PRPF18: variants seen among roughly 807,000 people sequenced by gnomAD.
The protein encoded by PRPF18 is pre-mRNA-splicing factor 18.
In PRPF18, 38 loss-of-function variants were observed where a neutral mutation model predicts 46.5. The ratio of observed to expected loss-of-function variants is 0.82; its 90% CI spans 0.63 to 1.07. The LOEUF (loss-of-function observed/expected upper bound fraction) is 1.07, where lower values mean the gene tolerates loss of function less well. Among genes scored for constraint, PRPF18 ranks in the 50% least tolerant of loss-of-function variants. The pLI, the probability that PRPF18 is intolerant of heterozygous loss-of-function variation, is 0.00. For missense variants in PRPF18, 263 were observed against 410.0 expected, an observed-to-expected ratio of 0.64 and a Z score of 3.10; for synonymous variants, 152 against 146.7, an observed-to-expected ratio of 1.04 and a Z score of -0.26.
downstream of PRPF18, among the ~76,000 whole-genome samples, chr10:13,635,188 C>T (rs2080626423): frequency 6.6e-6 from 1 of 152,160 alleles, no homozygotes; most frequent in South Asian, 2.1e-4. Flanking sequence ...GGATAATGGC[C>T]TCCAGCTCCA....
At chr10:13,654,601 C>T in the PRPF18 span, 2 of 798,650 alleles carry the variant, frequency 2.5e-6, no homozygotes, top group African/African-American at 3.4e-5. Flanking sequence ...GACACCAACC[C>T]AGTGGCCAGA....
rs1047232780 is a variant in PRPF18, at chr10:13,592,199, G to A, written c.66+5047G>A. 7 of 623,090 alleles carry A rather than the reference G, an allele frequency of 1.1e-5. No individual in the cohort carries two copies. In the East Asian group the frequency reaches 2.8e-4, roughly 25 times the overall value. 38.6% of individuals were successfully genotyped at this position (623,090 alleles called of 1,614,324 possible). A position where few individuals can be genotyped will look rare whatever the true frequency, so the allele number is the denominator to read the frequency against. On this transcript the variant is annotated intron_variant, in intron 1 of 9. Transcript: ENST00000378572. Reference sequence around the variant, plus strand: ...CAAGGACAGGGTTGTGCTGCAATGGGGCTTCCCCTTCTTGGGCTTCTTAGC... The same window carrying A: ...CAAGGACAGGGTTGTGCTGCAATGGAGCTTCCCCTTCTTGGGCTTCTTAGC...
intron 3 of PRPF18, among the ~76,000 whole-genome samples, chr10:13,602,548 T>G: frequency 6.6e-6 from 1 of 151,844 alleles, no homozygotes; most frequent in East Asian, 1.9e-4. Flanking sequence ...TTGGAAAGGT[T>G]TCCTCTGTTC....
chr10:13,591,882 C>G (rs17156963), intron 1 of PRPF18: 19 of 1,423,238 alleles, frequency 1.3e-5, no homozygotes, highest in Non-Finnish European at 1.7e-5. Flanking sequence ...TCAGAACGTT[C>G]CCCGGGGTAA....
At chr10:13,601,584 A>G (rs919804860) in intron 3 of PRPF18, among the ~76,000 whole-genome samples, 2 of 152,168 alleles carry the variant, frequency 1.3e-5, no homozygotes, top group African/African-American at 2.4e-5. Context: ...CTTTCACACA[A>G]ATGAGATGAC....
Position 13,587,108 on chromosome 10 carries a change from A to T in PRPF18, c.22A>T (p.Ile8Phe), listed in dbSNP as rs773633606. 2 of 1,614,154 alleles carry T rather than the reference A, an allele frequency of 1.2e-6. No homozygotes were observed. Among genetic ancestry groups the T allele is most frequent in the Non-Finnish European group, 1.7e-6 (2 of 1,179,998 alleles). ...CGAGATGGACATTCTGAAATCAGAG[A>T]TCCTTCGGAAGCGGCAGCTGGTGGA... Reference protein sequence around the residue: MDILKSEILRKRQLVEDR... With the variant: MDILKSEFLRKRQLVEDR... The change falls in exon 1 of 10, where the codon ATC becomes TTC. Residue 8 changes from isoleucine to phenylalanine, a missense_variant. By Grantham distance (21) the Ile-to-Phe change is conservative. This residue lies in a region of PRPF18 where 71 missense variants were observed against 69.2 expected (regional missense o/e 1.03). Coordinates refer to ENST00000378572, the MANE Select transcript of PRPF18 (RefSeq NM_003675.4).
the PRPF18 span, chr10:13,638,702 C>A: frequency 6.6e-6 from 1 of 152,110 alleles, no homozygotes; most frequent in African/African-American, 2.4e-5. Flanking sequence ...TCTATTCAGG[C>A]CACCAGTGGA....
the PRPF18 span, chr10:13,655,581 A>G: frequency 0.99 from 150,102 of 152,276 alleles, 74,017 homozygotes; most frequent in Middle Eastern, 1. Context: ...ATAGAATGCC[A>G]GAGCCTGGCT....
chr10:13,621,569 C>T (rs1213564823), intron 9 of PRPF18, among the ~76,000 whole-genome samples: 1 of 152,310 alleles, frequency 6.6e-6, no homozygotes, highest in Admixed American at 6.5e-5. Flanking sequence ...TCTACTGTGT[C>T]TTGTTGGTCC....
chr10:13,634,295 C>T (rs1285134409), downstream of PRPF18, among the ~76,000 whole-genome samples: 1 of 152,204 alleles, frequency 6.6e-6, no homozygotes, highest in Non-Finnish European at 1.5e-5. Context: ...TGAGTCTCTT[C>T]TTCCCTCTCT....
chr10:13,642,909 C>T, the PRPF18 span: 2 of 152,180 alleles, frequency 1.3e-5, no homozygotes, highest in Non-Finnish European at 2.9e-5. Context: ...TCAACTAGCT[C>T]TAGTGGCCAA....
intron 6 of PRPF18, among the ~76,000 whole-genome samples, chr10:13,612,437 T>C (rs1345659329): frequency 6.6e-6 from 1 of 151,374 alleles, no homozygotes; most frequent in Non-Finnish European, 1.5e-5. Context: ...TTTGTATTTT[T>C]TATTTATTTA....
chr10:13,634,435 G>A (rs990800330), downstream of PRPF18, among the ~76,000 whole-genome samples: 5 of 152,198 alleles, frequency 3.3e-5, no homozygotes, highest in East Asian at 1.9e-4. Flanking sequence ...GCTTCAGGCC[G>A]GGACAGTCAA....
chr10:13,652,692 T>C, the PRPF18 span, among the ~76,000 whole-genome samples: 7,165 of 152,208 alleles, frequency 0.047, 482 homozygotes, highest in African/African-American at 0.14. Context: ...GAGCTGGGGC[T>C]CCAGTTTCTC....
At chr10:13,645,401 A>G in the PRPF18 span, 5 of 146,554 alleles carry the variant, frequency 3.4e-5, no homozygotes, top group African/African-American at 1.3e-4. Flanking sequence ...AGCACAGCAT[A>G]CCACCTCTGC....
downstream of PRPF18, among the ~76,000 whole-genome samples, chr10:13,633,099 T>C (rs2080604683): frequency 6.6e-6 from 1 of 152,188 alleles, no homozygotes. Flanking sequence ...GTGGCTGTGA[T>C]TTCAGTCTTT....
At chr10:13,609,992 G>T (rs770383961) in intron 4 of PRPF18, 47 bp from the exon 5 acceptor site, 1 of 1,514,248 alleles carries the variant, frequency 6.6e-7, no homozygotes, top group Non-Finnish European at 9.0e-7. Context: ...AAAAACAGGT[G>T]TTCTTCCTTT....
downstream of PRPF18, among the ~76,000 whole-genome samples, chr10:13,633,384 G>A (rs1175622735): frequency 6.6e-6 from 1 of 152,166 alleles, no homozygotes; most frequent in East Asian, 1.9e-4. Context: ...GCACTTCAGA[G>A]CACTCTAGGG....
the PRPF18 span, chr10:13,641,245 A>G: frequency 7.2e-5 from 11 of 152,398 alleles, no homozygotes; most frequent in East Asian, 1.9e-4. Flanking sequence ...GATGAAAAAG[A>G]AAGCTTGGAT....
Sources: allele counts gnomAD v4.1 joint callset (sites outside exome capture counted in the v4.1 genomes callset), GRCh38; gene constraint gnomAD v4.1.1; regional missense constraint gnomAD v4.1.1; transcripts MANE v1.5; gene names NCBI Gene and HGNC (gene_info 2026-07-23, HGNC 2026-07-21).